MYO9B: variants seen among roughly 807,000 people sequenced by gnomAD.
The protein encoded by MYO9B is unconventional myosin-IXb.
MYO9B carries 71 observed loss-of-function variants against 229.5 expected under a neutral mutation model. The ratio of observed to expected loss-of-function variants is 0.31; its 90% confidence interval spans 0.26 to 0.38. The LOEUF (loss-of-function observed/expected upper bound fraction) is 0.38. Among genes scored for constraint, MYO9B ranks in the 10% least tolerant of loss-of-function variants. MYO9B has a pLI of 1.00. For synonymous variants in MYO9B, 1,185 were observed against 1,235.8 expected (o/e 0.96, Z 0.86); for missense variants, 2,255 against 2,920.5 (o/e 0.77, Z 5.25).
At chr19:17,078,975 C>T (rs745700574) in intron 1 of MYO9B, among the ~76,000 whole-genome samples, 2 of 152,202 alleles carry the variant, frequency 1.3e-5, no homozygotes, top group Non-Finnish European at 2.9e-5. Flanking sequence ...GTTTCTCACC[C>T]GCATCACCAT....
At position 17,180,864 on chromosome 19, in the gene MYO9B, G is replaced by A; in HGVS notation, c.2220-63G>A. 11 of 1,161,832 alleles carry A rather than the reference G, an allele frequency of 9.5e-6. No homozygotes were observed. The South Asian group carries it at 1.4e-4, about 15-fold the overall frequency. The allele number at this position is 1,161,832 out of a possible 1,614,324, so 72.0% of individuals were successfully genotyped here. A position where few individuals can be genotyped will look rare whatever the true frequency, so the allele number is the denominator to read the frequency against. On this transcript the variant is annotated intron_variant, in intron 14 of 39. Transcript: ENST00000682292. ...CCAATGGCGCTGGGAACCCCGAGGT[G>A]GCAGGCCTGCTTCTAACTCCATCTT...
At chr19:17,139,800 G>C (rs931920344) in intron 2 of MYO9B, among the ~76,000 whole-genome samples, 4 of 152,272 alleles carry the variant, frequency 2.6e-5, no homozygotes, top group African/African-American at 7.2e-5. Context: ...TCAGCACTTT[G>C]GGAGGCCAAG....
At chr19:17,133,253 C>A (rs1455985179) in intron 2 of MYO9B, among the ~76,000 whole-genome samples, 4 of 152,102 alleles carry the variant, frequency 2.6e-5, no homozygotes, top group Non-Finnish European at 5.9e-5. Context: ...TTAACGTACG[C>A]GTTACCTGAC....
Position 17,094,143 on chromosome 19 carries a change from C to T in MYO9B, c.-58-7517C>T, listed in dbSNP as rs573022920. Among the ~76,000 whole-genome samples the T allele has an allele frequency of 9.2e-5, 14 of 152,194 alleles. No individual in the cohort carries two copies. The South Asian group carries it at 2.9e-3, about 32-fold the overall frequency. On this transcript the variant is annotated intron_variant, in intron 1 of 39. Coordinates refer to ENST00000682292, the MANE Select transcript of MYO9B (RefSeq NM_004145.4). Reference sequence around the variant, plus strand: ...CTCCACCTCCCGAGTTCAAGGGATTCTCCTGCCTCAGCCTCCCGAGTAGCT... The same window carrying T: ...CTCCACCTCCCGAGTTCAAGGGATTTTCCTGCCTCAGCCTCCCGAGTAGCT...
chr19:17,142,039 A>G (rs1347652312), intron 2 of MYO9B, among the ~76,000 whole-genome samples: 4 of 152,022 alleles, frequency 2.6e-5, no homozygotes, highest in Non-Finnish European at 5.9e-5. Context: ...TTAGCCAAGC[A>G]TGGTGGCATG....
At chr19:17,089,432 T>C (rs1055021418) in intron 1 of MYO9B, among the ~76,000 whole-genome samples, 1 of 152,264 alleles carries the variant, frequency 6.6e-6, no homozygotes, top group Non-Finnish European at 1.5e-5. Flanking sequence ...CTTCAAATTA[T>C]GGCCTTATAT....
At chr19:17,202,519 C>T (rs2073118867) in intron 28 of MYO9B, among the ~76,000 whole-genome samples, 1 of 152,160 alleles carries the variant, frequency 6.6e-6, no homozygotes, top group Non-Finnish European at 1.5e-5. Context: ...TGACATGCCA[C>T]ACCCACCCAT....
At chr19:17,206,226 A>AACCCCCCCCCCCCCCC in intron 32 of MYO9B, 22 bp from the exon 33 acceptor site, 17 of 654,242 alleles carry the variant, frequency 2.6e-5, no homozygotes, top group South Asian at 3.0e-5. Context: ...CGCTCACCAG[A>AACCCCCCCCCCCCCCC]CCCACCCCAC....
intron 6 of MYO9B, among the ~76,000 whole-genome samples, chr19:17,154,989 G>C (rs758004504): frequency 1.8e-4 from 27 of 151,910 alleles, no homozygotes; most frequent in Non-Finnish European, 3.4e-4. Flanking sequence ...AAAGAATGCT[G>C]GGTACGGTTG....
At chr19:17,125,960 G>T (rs976341471) in intron 2 of MYO9B, among the ~76,000 whole-genome samples, 2 of 152,152 alleles carry the variant, frequency 1.3e-5, no homozygotes, top group African/African-American at 2.4e-5. Flanking sequence ...GCTGCCTCCT[G>T]TGCAGGCTTG....
intron 35 of MYO9B, among the ~76,000 whole-genome samples, chr19:17,208,895 T>G (rs1336401896): frequency 6.6e-5 from 3 of 45,154 alleles, no homozygotes; most frequent in Non-Finnish European, 1.2e-4. Flanking sequence ...CACTCCGGAC[T>G]GAGTCCCTCT....
At chr19:17,191,823 A>T (rs990049457) in intron 20 of MYO9B, among the ~76,000 whole-genome samples, 3 of 151,652 alleles carry the variant, frequency 2.0e-5, no homozygotes, top group Non-Finnish European at 4.4e-5. Context: ...ACAATATTTA[A>T]AAATTAGCCA....
chr19:17,156,600 C>A (rs1008407611), intron 6 of MYO9B, among the ~76,000 whole-genome samples: 2 of 152,028 alleles, frequency 1.3e-5, no homozygotes, highest in Non-Finnish European at 2.9e-5. Flanking sequence ...GCCTGTAGTA[C>A]CAGCTACTCA....
intron 2 of MYO9B, among the ~76,000 whole-genome samples, chr19:17,108,561 G>A (rs1409996820): frequency 6.6e-6 from 1 of 151,568 alleles, no homozygotes; most frequent in Admixed American, 6.6e-5. Flanking sequence ...TAACAAAATA[G>A]CTTCCCGTTG....
intron 17 of MYO9B, among the ~76,000 whole-genome samples, 194 bp from the exon 18 acceptor site, chr19:17,185,727 G>A (rs557777388): frequency 7.3e-4 from 111 of 152,138 alleles, no homozygotes; most frequent in Non-Finnish European, 1.4e-3. Flanking sequence ...ACTCCCTCGA[G>A]GGTTTCCAGG....
chr19:17,095,594 C>A (rs1291412504), intron 1 of MYO9B: 1 of 152,224 alleles, frequency 6.6e-6, no homozygotes, highest in Admixed American at 6.5e-5. Flanking sequence ...TTTGTGTATG[C>A]ATTCATCTGC....
chr19:17,153,311 C>T (rs1474577785), intron 4 of MYO9B, among the ~76,000 whole-genome samples: 1 of 151,120 alleles, frequency 6.6e-6, no homozygotes, highest in African/African-American at 2.4e-5. Context: ...AGGCGACTCT[C>T]ATGCCTCAGC....
Position 17,156,988 on chromosome 19 carries a change from T to C in MYO9B, c.1279T>C (p.Leu427=). 3 of 1,613,702 alleles carry C rather than the reference T, an allele frequency of 1.9e-6. No individual in the cohort carries two copies. Among genetic ancestry groups the C allele is most frequent in the Non-Finnish European group, 2.5e-6 (3 of 1,179,804 alleles). ...KKRATGREEG[L]EVGPPEVLDT... Reference sequence around the variant, plus strand: ...GAGAGCTACAGGCCGAGAGGAAGGGTTGGAGGTCGGGCCACCCGAGGTGCT... The same window carrying C: ...GAGAGCTACAGGCCGAGAGGAAGGGCTGGAGGTCGGGCCACCCGAGGTGCT... The change falls in exon 7 of 40, where the codon TTG becomes CTG. Residue 427 remains leucine (L), a synonymous_variant. Coordinates refer to ENST00000682292, the MANE Select transcript of MYO9B (RefSeq NM_004145.4).
chr19:17,201,097 G>C (rs1260895890), intron 26 of MYO9B, among the ~76,000 whole-genome samples: 6 of 152,210 alleles, frequency 3.9e-5, no homozygotes, highest in African/African-American at 1.4e-4. Flanking sequence ...ATTAGCTGGA[G>C]TGGTGGTGCA....
Sources: gnomAD v4.1 joint callset for allele counts (sites outside exome capture counted in the v4.1 genomes callset) on GRCh38, gnomAD v4.1.1 for gene constraint, MANE v1.5 for transcripts, NCBI Gene and HGNC (gene_info 2026-07-23, HGNC 2026-07-21) for gene names.